Variants in HS3ST4 observed in about 807,000 individuals in gnomAD.
The protein encoded by HS3ST4 is heparan sulfate glucosamine 3-O-sulfotransferase 4.
A neutral mutation model predicts 29.2 loss-of-function variants in HS3ST4; 17 were observed. That is an observed-to-expected ratio of 0.58 (90% CI 0.40 to 0.87). The LOEUF is 0.87. Ranked by LOEUF, HS3ST4 falls within the 40% of genes least tolerant of loss-of-function variation. The pLI, the probability that HS3ST4 is intolerant of heterozygous loss-of-function variation, is 0.00. For synonymous variants in HS3ST4, 314 were observed against 285.7 expected (o/e 1.10, Z -1.00); for missense variants, 627 against 634.5 (o/e 0.99, Z 0.13).
rs112969094 is a variant in HS3ST4 at position 25,891,135 on chromosome 16, G to C, written c.734+197984G>C. Among the ~76,000 whole-genome samples the C allele has an allele frequency of 2.3e-3, 349 of 152,256 alleles. 1 individual carries two copies. Among genetic ancestry groups the C allele is most frequent in the African/African-American group, 8.0e-3 (332 of 41,526 alleles). ...CTCAGAAAGCCCAATAAGAAGTGATGGGGTAACGTTTCAGGCTTGCAGACT... is the reference window on the plus strand; with the variant it reads ...CTCAGAAAGCCCAATAAGAAGTGATCGGGTAACGTTTCAGGCTTGCAGACT... On this transcript the variant is annotated intron_variant, in intron 1 of 1. Coordinates refer to ENST00000331351, the MANE Select transcript of HS3ST4 (RefSeq NM_006040.3).
At chr16:25,838,588 T>G (rs1252821220) in intron 1 of HS3ST4, among the ~76,000 whole-genome samples, 1 of 152,226 alleles carries the variant, frequency 6.6e-6, no homozygotes, top group Non-Finnish European at 1.5e-5. Context: ...CACAGTGTCC[T>G]TAGTTGGCTA....
At chr16:25,848,734 T>C (rs67346886) in intron 1 of HS3ST4, among the ~76,000 whole-genome samples, 14,118 of 152,108 alleles carry the variant, frequency 0.093, 839 homozygotes, top group Non-Finnish European at 0.14. Context: ...CAAATTCCTA[T>C]TTTTCTTTTG....
At chr16:25,741,035 TG>T (rs1432724639) in intron 1 of HS3ST4, among the ~76,000 whole-genome samples, 3 of 141,068 alleles carry the variant, frequency 2.1e-5, no homozygotes, top group African/African-American at 9.7e-5. Flanking sequence ...ACATAAAGTG[TG>T]TGTCTGTGTG....
At chr16:25,999,826 TTA>T (rs1240180918) in intron 1 of HS3ST4, among the ~76,000 whole-genome samples, 1 of 111,498 alleles carries the variant, frequency 9.0e-6, no homozygotes, top group African/African-American at 3.1e-5. Flanking sequence ...ATATATATAT[TTA>T]TATATTATAT....
At chr16:25,697,216 A>G (rs924073899) in intron 1 of HS3ST4, among the ~76,000 whole-genome samples, 8 of 152,240 alleles carry the variant, frequency 5.3e-5, no homozygotes, top group Admixed American at 2.6e-4. Flanking sequence ...CCTGGAACTA[A>G]CATTTTAGTG....
chr16:25,810,793 C>G (rs2141628183), intron 1 of HS3ST4, among the ~76,000 whole-genome samples: 1 of 152,112 alleles, frequency 6.6e-6, no homozygotes, highest in East Asian at 1.9e-4. Flanking sequence ...CTGTGTTTTC[C>G]CCCGGTTGTA....
intron 1 of HS3ST4, among the ~76,000 whole-genome samples, chr16:25,810,081 T>C (rs59771768): frequency 0.016 from 2,399 of 152,228 alleles, 72 homozygotes; most frequent in African/African-American, 0.055. Flanking sequence ...AGATCTTTCC[T>C]CTTTTCTAAA....
intron 1 of HS3ST4, among the ~76,000 whole-genome samples, chr16:26,116,240 A>G (rs1339708837): frequency 6.6e-6 from 1 of 152,192 alleles, no homozygotes; most frequent in Admixed American, 6.5e-5. Flanking sequence ...GAACCTCTCT[A>G]TAGGGTGACT....
chr16:25,777,671 G>A (rs1314450754), intron 1 of HS3ST4, among the ~76,000 whole-genome samples: 2 of 152,130 alleles, frequency 1.3e-5, no homozygotes, highest in East Asian at 1.9e-4. Context: ...GGGAGGCTGG[G>A]GCAGGAGAAT....
At chr16:26,112,059 A>G (rs1188429396) in intron 1 of HS3ST4, among the ~76,000 whole-genome samples, 1 of 151,616 alleles carries the variant, frequency 6.6e-6, no homozygotes, top group Non-Finnish European at 1.5e-5. Context: ...CACAATTTAT[A>G]TTTATAAACT....
chr16:25,891,718 A>G (rs1021965825), intron 1 of HS3ST4, among the ~76,000 whole-genome samples: 3 of 152,194 alleles, frequency 2.0e-5, no homozygotes, highest in Non-Finnish European at 4.4e-5. Flanking sequence ...AAGCTGTGGG[A>G]TGGGAGATTT....
intron 1 of HS3ST4, among the ~76,000 whole-genome samples, chr16:25,744,504 T>TA (rs1052584281): frequency 7.2e-5 from 11 of 152,258 alleles, no homozygotes; most frequent in African/African-American, 2.4e-4. Context: ...CTTAGATATA[T>TA]AAAAAAAGTC....
intron 1 of HS3ST4, among the ~76,000 whole-genome samples, chr16:25,850,976 G>C (rs1164760865): frequency 1.3e-5 from 2 of 152,160 alleles, no homozygotes. Context: ...CTTTTACCCA[G>C]TAATTTCCTA....
intron 1 of HS3ST4, among the ~76,000 whole-genome samples, chr16:26,015,429 A>G (rs1969353861): frequency 6.6e-6 from 1 of 152,202 alleles, no homozygotes; most frequent in Non-Finnish European, 1.5e-5. Context: ...ATATATGCCA[A>G]TATGTGTGTA....
intron 1 of HS3ST4, among the ~76,000 whole-genome samples, chr16:26,023,847 A>G (rs185151863): frequency 6.6e-5 from 10 of 152,268 alleles, no homozygotes; most frequent in African/African-American, 2.4e-4. Context: ...GTCACTTATA[A>G]GTTGTGTGAC....
At chr16:25,718,078 G>A (rs1234179493) in intron 1 of HS3ST4, among the ~76,000 whole-genome samples, 1 of 152,160 alleles carries the variant, frequency 6.6e-6, no homozygotes, top group Non-Finnish European at 1.5e-5. Context: ...AACAGGATGG[G>A]AGAATGATGG....
intron 1 of HS3ST4, among the ~76,000 whole-genome samples, chr16:26,122,233 A>T (rs1273004926): frequency 6.6e-6 from 1 of 152,110 alleles, no homozygotes; most frequent in Non-Finnish European, 1.5e-5. Flanking sequence ...ATACACACAC[A>T]TGCGTGGCAA....
intron 1 of HS3ST4, among the ~76,000 whole-genome samples, chr16:25,870,572 A>G (rs898397007): frequency 3.3e-5 from 5 of 152,156 alleles, no homozygotes; most frequent in African/African-American, 1.2e-4. Flanking sequence ...AGACATAGTG[A>G]AATGAGCAAG....
At chr16:26,012,398 CA>C (rs1456802165) in intron 1 of HS3ST4, among the ~76,000 whole-genome samples, 13 of 152,306 alleles carry the variant, frequency 8.5e-5, no homozygotes, top group African/African-American at 3.1e-4. Flanking sequence ...AAGATTTAGG[CA>C]GCTGAGAAGA....
Sources: gnomAD v4.1 joint callset for allele counts (sites outside exome capture counted in the v4.1 genomes callset) on GRCh38, gnomAD v4.1.1 for gene constraint, MANE v1.5 for transcripts, NCBI Gene and HGNC (gene_info 2026-07-23, HGNC 2026-07-21) for gene names.